The following NAALADL2 variants were observed in gnomAD, a reference collection of about 807,000 sequenced individuals.
NAALADL2 encodes the protein inactive N-acetylated-alpha-linked acidic dipeptidase-like protein 2.
NAALADL2 carries 76 observed loss-of-function variants against 87.2 expected under a neutral mutation model. That is an observed-to-expected ratio of 0.87 (90% CI 0.72 to 1.05). The LOEUF is 1.05. Ranked by LOEUF, NAALADL2 falls within the 50% of genes least tolerant of loss-of-function variation. The probability of loss-of-function intolerance (pLI) is 0.00; values close to 1 mark genes in which losing one functional copy is unlikely to be tolerated. For synonymous variants in NAALADL2, 354 were observed against 331.0 expected (o/e 1.07, Z -0.75); for missense variants, 1,089 against 945.8 (o/e 1.15, Z -1.99).
chr3:175,218,352 T>G (rs1193068022), intron 2 of NAALADL2, among the ~76,000 whole-genome samples: 1 of 152,198 alleles, frequency 6.6e-6, no homozygotes, highest in East Asian at 1.9e-4. Flanking sequence ...GTCCATCACA[T>G]TATGAAAAAT....
chr3:174,866,959 A>G (rs1727220700), intron 1 of NAALADL2, among the ~76,000 whole-genome samples: 1 of 151,602 alleles, frequency 6.6e-6, no homozygotes, highest in African/African-American at 2.4e-5. Context: ...AGATTAGAAA[A>G]CCCATAATAT....
intron 2 of NAALADL2, among the ~76,000 whole-genome samples, chr3:175,176,564 A>G (rs547371329): frequency 1.3e-5 from 2 of 152,254 alleles, no homozygotes; most frequent in East Asian, 3.9e-4. Context: ...TGATTAAGTT[A>G]AGGATTTTGA....
Position 174,745,224 on chromosome 3 carries a change from G to C in NAALADL2, c.-9+7478G>C, listed in dbSNP as rs531744863. The stretch of plus-strand genomic sequence containing the variant: ...GACTAATAAAGTAGAAAAGAGAGAA[G>C]AATCAAATAGACACAATAAAAAATG... On this transcript the variant is annotated intron_variant, in intron 3 of 3. Coordinates refer to the NAALADL2 transcript ENST00000434257. Among the ~76,000 whole-genome samples, 5 of 151,442 alleles carry C rather than the reference G, an allele frequency of 3.3e-5. No homozygotes were observed. In the South Asian group the frequency reaches 1.0e-3, roughly 32 times the overall value.
intron 1 of NAALADL2, among the ~76,000 whole-genome samples, chr3:174,885,499 C>T (rs1330950320): frequency 1.3e-5 from 2 of 152,126 alleles, no homozygotes; most frequent in Non-Finnish European, 2.9e-5. Flanking sequence ...AACTCCTTGC[C>T]TCCCACGAAT....
At chr3:175,522,294 C>T (rs1582238550) in intron 9 of NAALADL2, among the ~76,000 whole-genome samples, 1 of 152,122 alleles carries the variant, frequency 6.6e-6, no homozygotes. Context: ...ATAGAAAATA[C>T]TAACAAATAT....
chr3:174,897,975 T>C lies in NAALADL2; in HGVS notation c.43+38525T>C, dbSNP rs576757464. ...AAAAATACAAAAAATTAGCCGGGCG[T>C]AGTGGCGGGCGCCTGTAGTCCCAGC... On this transcript the variant is annotated intron_variant, in intron 1 of 13. Transcript: ENST00000454872. 1.7e-3 allele frequency among the ~76,000 whole-genome samples: 245 copies of C among 140,910 alleles called. 5 individuals carry two copies. Among genetic ancestry groups the C allele is most frequent in the Admixed American group, 3.4e-3 (49 of 14,538 alleles). The allele number at this position is 140,910 out of a possible 152,430, so 92.4% of individuals were successfully genotyped here.
intron 1 of NAALADL2, among the ~76,000 whole-genome samples, chr3:174,515,138 A>G (rs1385857453): frequency 2.0e-5 from 3 of 152,150 alleles, no homozygotes; most frequent in Non-Finnish European, 4.4e-5. Context: ...AGGAGAGAAA[A>G]ATAGTATTTC....
rs1357032098 is a variant in NAALADL2 at position 175,805,797 on chromosome 3, A to C, written c.*2594A>C. On this transcript the variant is annotated 3_prime_UTR_variant, in exon 14 of 14. Transcript: ENST00000454872. Reference sequence around the variant, plus strand: ...AAAATGTGGTAAAGGTGTAACGGTGAAATTTATGTTCAGGCAGGGTACACA... The same window carrying C: ...AAAATGTGGTAAAGGTGTAACGGTGCAATTTATGTTCAGGCAGGGTACACA... The C allele has an allele frequency of 6.6e-6, 1 of 151,908 alleles. No individual in the cohort carries two copies. Among genetic ancestry groups the C allele is most frequent in the Non-Finnish European group, 1.5e-5 (1 of 67,892 alleles). 9.4% of individuals were successfully genotyped at this position (151,908 alleles called of 1,614,324 possible).
intron 1 of NAALADL2, among the ~76,000 whole-genome samples, chr3:175,078,187 G>C (rs1007461714): frequency 6.6e-6 from 1 of 151,928 alleles, no homozygotes; most frequent in Non-Finnish European, 1.5e-5. Context: ...ACCATGCCTG[G>C]TTAATTTTTG....
At chr3:175,667,228 AAAGAAAGAAAG>A (rs1733236689) in intron 11 of NAALADL2, among the ~76,000 whole-genome samples, 1 of 116,596 alleles carries the variant, frequency 8.6e-6, no homozygotes, top group Admixed American at 7.7e-5. Flanking sequence ...AGAAAGAAAG[AAAGAAAGAAAG>A]AAAAAGAAAG....
At chr3:174,653,653 TTAA>T (rs1288827508) in intron 2 of NAALADL2, among the ~76,000 whole-genome samples, 12 of 152,130 alleles carry the variant, frequency 7.9e-5, no homozygotes, top group Non-Finnish European at 1.8e-4. Context: ...AATTCTTGAA[TTAA>T]TAATAGGATT....
intron 11 of NAALADL2, among the ~76,000 whole-genome samples, chr3:175,726,487 C>T (rs1014968200): frequency 6.6e-6 from 1 of 152,124 alleles, no homozygotes. Flanking sequence ...ACACTGCTCC[C>T]TTGCCCCTCG....
chr3:174,914,334 A>C (rs1734090741), intron 1 of NAALADL2, among the ~76,000 whole-genome samples: 1 of 152,104 alleles, frequency 6.6e-6, no homozygotes, highest in Admixed American at 6.5e-5. Flanking sequence ...AAGTGCTAGG[A>C]TTACAGGTGT....
intron 2 of NAALADL2, among the ~76,000 whole-genome samples, chr3:175,199,854 ATATATATATATTTTTTTTTT>A (rs1217389145): frequency 2.6e-4 from 5 of 18,924 alleles, no homozygotes; most frequent in East Asian, 1.7e-3. Context: ...ATATATATAT[ATATATATATATTTTTTTTTT>A]TTTTTTTTTT....
chr3:174,489,308 C>T (rs1162602378), intron 1 of NAALADL2, among the ~76,000 whole-genome samples: 1 of 151,954 alleles, frequency 6.6e-6, no homozygotes, highest in Non-Finnish European at 1.5e-5. Flanking sequence ...AAGTTTTATT[C>T]TTACTTCCTA....
intron 4 of NAALADL2, 105 bp from the exon 5 acceptor site, chr3:175,324,070 A>C (rs990411060): frequency 1.8e-5 from 15 of 836,130 alleles, no homozygotes; most frequent in Admixed American, 1.1e-4. Flanking sequence ...AAGAAAAAAA[A>C]ACTGGAAAAA....
chr3:174,645,304 C>T (rs1008266899), intron 2 of NAALADL2, among the ~76,000 whole-genome samples: 40 of 152,118 alleles, frequency 2.6e-4, no homozygotes, highest in African/African-American at 8.9e-4. Flanking sequence ...TGCGTGGCCA[C>T]GGTAGTCCCT....
chr3:175,406,969 T>C (rs1009030201), intron 5 of NAALADL2, among the ~76,000 whole-genome samples: 18 of 152,060 alleles, frequency 1.2e-4, no homozygotes, highest in African/African-American at 4.3e-4. Context: ...TCATCAGAGA[T>C]CAGGATTTCA....
At chr3:174,858,175 A>T (rs1471035039), upstream of NAALADL2, among the ~76,000 whole-genome samples, 2 of 147,872 alleles carry the variant, frequency 1.4e-5, no homozygotes, top group Non-Finnish European at 3.0e-5. Flanking sequence ...TATTAAATAT[A>T]TAATATATAA....
Sources: allele counts gnomAD v4.1 joint callset (sites outside exome capture counted in the v4.1 genomes callset), GRCh38; gene constraint gnomAD v4.1.1; transcripts MANE v1.5; gene names NCBI Gene and HGNC (gene_info 2026-07-23, HGNC 2026-07-21).